Variants in MYO16 observed in about 807,000 individuals in gnomAD.
The protein encoded by MYO16 is myosin XVI.
In MYO16, 94 loss-of-function variants were observed where a neutral mutation model predicts 205.3. That is an observed-to-expected ratio of 0.46 (90% confidence interval 0.39 to 0.54). MYO16 has a LOEUF of 0.54. Among genes scored for constraint, MYO16 ranks in the 20% least tolerant of loss-of-function variants. The pLI is 0.00. For missense variants in MYO16, 2,315 were observed against 2,387.5 expected, an observed-to-expected ratio of 0.97 and a Z score of 0.63; for synonymous variants, 988 against 954.0, an observed-to-expected ratio of 1.04 and a Z score of -0.66.
chr13:108,899,803 AG>A (rs2139208409), intron 15 of MYO16, among the ~76,000 whole-genome samples: 1 of 152,366 alleles, frequency 6.6e-6, no homozygotes, highest in African/African-American at 2.4e-5. Context: ...TCCGTGTTCC[AG>A]CCCCTTGCCA....
At chr13:109,018,330 ATAT>A (rs1222736093) in intron 22 of MYO16, among the ~76,000 whole-genome samples, 3 of 150,592 alleles carry the variant, frequency 2.0e-5, no homozygotes, top group Non-Finnish European at 3.0e-5. Context: ...AGAACAGCAA[ATAT>A]TGCTGCCTGA....
At chr13:108,659,422 G>T (rs1425052974) in intron 1 of MYO16, 2 of 407,564 alleles carry the variant, frequency 4.9e-6, no homozygotes, top group African/African-American at 2.1e-5. Flanking sequence ...GTCCTACAGA[G>T]GTACGCACTC....
the MYO16 span, among the ~76,000 whole-genome samples, chr13:108,499,561 G>A: frequency 6.6e-6 from 1 of 152,076 alleles, no homozygotes; most frequent in Non-Finnish European, 1.5e-5. Flanking sequence ...CACTTATATA[G>A]GAATCTGCAA....
chr13:108,769,375 G>A (rs930288943), intron 4 of MYO16, among the ~76,000 whole-genome samples: 1 of 152,124 alleles, frequency 6.6e-6, no homozygotes, highest in Non-Finnish European at 1.5e-5. Context: ...AATGGAGCAC[G>A]CTAGAGGCTG....
chr13:109,102,111 A>G (rs1315246141), intron 28 of MYO16, among the ~76,000 whole-genome samples: 1 of 151,866 alleles, frequency 6.6e-6, no homozygotes, highest in Non-Finnish European at 1.5e-5. Context: ...TTTTTTAACT[A>G]ATAATGAAAT....
the MYO16 span, among the ~76,000 whole-genome samples, chr13:108,545,972 C>T: frequency 6.6e-6 from 1 of 152,368 alleles, no homozygotes; most frequent in Admixed American, 6.5e-5. Flanking sequence ...CGCAATCTCT[C>T]AGTCTATTCT....
chr13:108,897,307 G>A (rs1318121988), intron 14 of MYO16, among the ~76,000 whole-genome samples: 2 of 152,160 alleles, frequency 1.3e-5, no homozygotes, highest in African/African-American at 4.8e-5. Context: ...TACTGTGAAT[G>A]CTTAAGGAAA....
intron 3 of MYO16, among the ~76,000 whole-genome samples, chr13:108,720,275 A>G (rs1884110496): frequency 6.6e-6 from 1 of 152,230 alleles, no homozygotes; most frequent in Admixed American, 6.5e-5. Flanking sequence ...GCACAGGCTG[A>G]AAGGGCCGGT....
At chr13:108,866,808 A>G (rs767615364) in intron 12 of MYO16, among the ~76,000 whole-genome samples, 13 of 152,172 alleles carry the variant, frequency 8.5e-5, no homozygotes, top group Non-Finnish European at 1.6e-4. Flanking sequence ...TTGTGTAACA[A>G]CAAGGCTGGT....
intron 22 of MYO16, among the ~76,000 whole-genome samples, chr13:109,017,001 G>A (rs1885849777): frequency 6.6e-6 from 1 of 152,168 alleles, no homozygotes; most frequent in African/African-American, 2.4e-5. Context: ...ATTTGATCCT[G>A]TCATTATGCT....
intron 19 of MYO16, among the ~76,000 whole-genome samples, chr13:108,962,811 C>G (rs1261028290): frequency 6.6e-6 from 1 of 152,204 alleles, no homozygotes; most frequent in Non-Finnish European, 1.5e-5. Context: ...CTGCACTCTT[C>G]AATGAAGGAC....
intron 1 of MYO16, among the ~76,000 whole-genome samples, chr13:108,617,742 C>G (rs150874967): frequency 4.0e-4 from 61 of 152,174 alleles, no homozygotes; most frequent in African/African-American, 1.4e-3. Flanking sequence ...TAGCAGAAGC[C>G]CTGCACACAT....
intron 4 of MYO16, among the ~76,000 whole-genome samples, chr13:108,769,989 T>C (rs1446753138): frequency 1.3e-5 from 2 of 152,168 alleles, no homozygotes; most frequent in Non-Finnish European, 2.9e-5. Context: ...ATAGTAATGA[T>C]GTATAAAAAT....
the MYO16 span, among the ~76,000 whole-genome samples, chr13:108,537,775 T>C: frequency 9.5e-4 from 144 of 152,252 alleles, no homozygotes; most frequent in African/African-American, 3.2e-3. Context: ...GCTGATAATT[T>C]TTTTCCTGTG....
At chr13:108,667,052 G>T (rs1881764041) in intron 2 of MYO16, among the ~76,000 whole-genome samples, 1 of 152,136 alleles carries the variant, frequency 6.6e-6, no homozygotes, top group African/African-American at 2.4e-5. Flanking sequence ...AAGCTCCGAA[G>T]CCGTTATTTT....
At chr13:108,946,315 G>A (rs1406894669) in intron 16 of MYO16, among the ~76,000 whole-genome samples, 1 of 151,656 alleles carries the variant, frequency 6.6e-6, no homozygotes, top group Non-Finnish European at 1.5e-5. Context: ...TGACTTTTAT[G>A]GCATAAATTT....
At chr13:108,932,461 G>A (rs1401141090) in intron 16 of MYO16, among the ~76,000 whole-genome samples, 3 of 152,176 alleles carry the variant, frequency 2.0e-5, no homozygotes, top group African/African-American at 7.2e-5. Context: ...GATTGCTTTG[G>A]CATTGGTCAA....
chr13:109,048,110 T>C (rs527406218), intron 24 of MYO16, among the ~76,000 whole-genome samples: 167 of 152,070 alleles, frequency 1.1e-3, no homozygotes, highest in African/African-American at 3.9e-3. Context: ...TTTAAAAGTT[T>C]ACACAATGCT....
Position 108,718,617 on chromosome 13 carries a change from C to T in MYO16, c.363+5886C>T, listed in dbSNP as rs547580253. On this transcript the variant is annotated intron_variant, in intron 3 of 34. Transcript: ENST00000457511. ...GGTGATACTGATGTCTGAGGGTGAG[C>T]GCTGCAGGGTGCTGCCTGTCGCTGG... 8.5e-5 allele frequency among the ~76,000 whole-genome samples: 13 copies of T among 152,064 alleles called. No individual in the cohort carries two copies. In the East Asian group the frequency reaches 1.4e-3, roughly 16 times the overall value.
Sources: allele counts gnomAD v4.1 joint callset (sites outside exome capture counted in the v4.1 genomes callset), GRCh38; gene constraint gnomAD v4.1.1; transcripts MANE v1.5; gene names NCBI Gene and HGNC (gene_info 2026-07-23, HGNC 2026-07-21).